Variants in UGT1A8 observed in about 807,000 individuals in gnomAD.
UGT1A8 encodes the protein UDP glucuronosyltransferase family 1 member A8, also known as UDP-glucuronosyltransferase 1A8.
A neutral mutation model predicts 45.3 loss-of-function variants in UGT1A8; 39 were observed. The observed-to-expected ratio is 0.86, with a 90% confidence interval of 0.67 to 1.12. The LOEUF is 1.12. Ranked by LOEUF, UGT1A8 falls within the 50% of genes most tolerant of loss-of-function variation. The probability of loss-of-function intolerance (pLI) is 0.00; values close to 1 mark genes in which losing one functional copy is unlikely to be tolerated. For missense variants in UGT1A8, 719 were observed against 664.9 expected, an observed-to-expected ratio of 1.08 and a Z score of -0.90; for synonymous variants, 275 against 249.2, an observed-to-expected ratio of 1.10 and a Z score of -0.97.
At chr2:233,696,147 G>T (rs933001252) in intron 1 of UGT1A8, among the ~76,000 whole-genome samples, 1 of 152,112 alleles carries the variant, frequency 6.6e-6, no homozygotes, top group Non-Finnish European at 1.5e-5. Context: ...CCATTGCTGG[G>T]TATATATCCA....
At chr2:233,705,607 A>G (rs28898586) in intron 1 of UGT1A8, among the ~76,000 whole-genome samples, 1,928 of 152,348 alleles carry the variant, frequency 0.013, 41 homozygotes, top group African/African-American at 0.043. Context: ...GGCTCTGAAG[A>G]GAGAAGAAAC....
Position 233,772,833 on chromosome 2 carries a change from T to G in UGT1A8, c.*274T>G. 1.1e-6 allele frequency: 1 copy of G among 879,514 alleles called. No individual in the cohort carries two copies. Among genetic ancestry groups the G allele is most frequent in the Non-Finnish European group, 1.6e-6 (1 of 630,666 alleles). 54.5% of individuals were successfully genotyped at this position (879,514 alleles called of 1,614,324 possible). A position where few individuals can be genotyped will look rare whatever the true frequency, so the allele number is the denominator to read the frequency against. ...AGGACGTGCAGACAGGCTGGCATTCTAGATTACTTTTCTTACTCTGAAACA... is the reference window on the plus strand; with the variant it reads ...AGGACGTGCAGACAGGCTGGCATTCGAGATTACTTTTCTTACTCTGAAACA... On this transcript the variant is annotated 3_prime_UTR_variant, in exon 5 of 5. Transcript: ENST00000373450.
rs28898591 is a variant in UGT1A8 at position 233,711,285 on chromosome 2, G to A, written c.856-55749G>A. The stretch of plus-strand genomic sequence containing the variant: ...TCCCCAGGGTCTAGGAGTCCTAGAC[G>A]TGGGAGTAGAAATTAGATGACATTG... On this transcript the variant is annotated intron_variant, in intron 1 of 4. Transcript: ENST00000373450. Among the ~76,000 whole-genome samples, 371 of 152,324 alleles carry A rather than the reference G, an allele frequency of 2.4e-3. 1 individual carries two copies. The highest frequency in any genetic ancestry group is 8.6e-3 in the African/African-American group (359 of 41,568).
chr2:233,747,060 A>C (rs1693551800), intron 1 of UGT1A8, among the ~76,000 whole-genome samples: 1 of 151,974 alleles, frequency 6.6e-6, no homozygotes, highest in Non-Finnish European at 1.5e-5. Flanking sequence ...ATGATTGGTT[A>C]ATCGGTAATA....
chr2:233,752,437 T>C (rs973405993), intron 1 of UGT1A8: 4 of 152,200 alleles, frequency 2.6e-5, no homozygotes, highest in African/African-American at 9.7e-5. Context: ...CGAACCCTTT[T>C]ATAAAAGATG....
At chr2:233,719,495 T>C (rs749585950) in intron 1 of UGT1A8, 5 of 1,613,994 alleles carry the variant, frequency 3.1e-6, no homozygotes, top group Non-Finnish European at 4.2e-6. Context: ...ACATTTGCCA[T>C]ACTTTTTCTG....
Position 233,727,746 on chromosome 2 carries a change from G to C in UGT1A8, c.856-39288G>C, listed in dbSNP as rs369193942. Among the ~76,000 whole-genome samples the C allele has an allele frequency of 3.3e-5, 5 of 152,290 alleles. No individual in the cohort carries two copies. The East Asian group carries it at 7.7e-4, about 24-fold the overall frequency. On this transcript the variant is annotated intron_variant, in intron 1 of 4. Coordinates refer to ENST00000373450, the MANE Select transcript of UGT1A8 (RefSeq NM_019076.5). Reference sequence around the variant, plus strand: ...CTTCCTTTTCTGTGCCATCCTGCGTGTGCTGCCCTTGAGCTGGGTGTCCCC... The same window carrying C: ...CTTCCTTTTCTGTGCCATCCTGCGTCTGCTGCCCTTGAGCTGGGTGTCCCC...
Position 233,743,742 on chromosome 2 carries a change from C to A in UGT1A8, c.856-23292C>A, listed in dbSNP as rs377755645. 6 of 1,367,276 alleles carry A rather than the reference C, an allele frequency of 4.4e-6. No individual in the cohort carries two copies. The Admixed American group carries it at 1.1e-4, about 26-fold the overall frequency. The allele number at this position is 1,367,276 out of a possible 1,614,324, so 84.7% of individuals were successfully genotyped here. ...CGGTCATAGATATCGCGTTTCTTGG[C>A]GTCCGACAACACCTCGTAGGCCTCG... On this transcript the variant is annotated intron_variant, in intron 1 of 4. Coordinates refer to ENST00000373450, the MANE Select transcript of UGT1A8 (RefSeq NM_019076.5).
intron 1 of UGT1A8, among the ~76,000 whole-genome samples, chr2:233,698,716 A>C (rs2075457689): frequency 1.3e-5 from 2 of 152,260 alleles, no homozygotes; most frequent in South Asian, 4.1e-4. Context: ...AAGCCTTTTG[A>C]AAACCATAGC....
intron 2 of UGT1A8, among the ~76,000 whole-genome samples, chr2:233,767,555 C>A (rs1317722684): frequency 3.3e-5 from 5 of 152,206 alleles, no homozygotes; most frequent in Non-Finnish European, 7.3e-5. Context: ...AGTTCTGCAT[C>A]CACTTGTTTC....
At chr2:233,755,480 A>T (rs574050472) in intron 1 of UGT1A8, 1 of 211,322 alleles carries the variant, frequency 4.7e-6, no homozygotes, top group Non-Finnish European at 9.7e-6. Flanking sequence ...AGGCTCTGTG[A>T]GGCCCTGTGA....
intron 1 of UGT1A8, among the ~76,000 whole-genome samples, chr2:233,634,631 AT>A (rs931993950): frequency 6.6e-6 from 1 of 151,408 alleles, no homozygotes; most frequent in Non-Finnish European, 1.5e-5. Context: ...GCAACCCCTG[AT>A]TTTTTTTGCT....
intron 1 of UGT1A8, among the ~76,000 whole-genome samples, chr2:233,652,534 C>A (rs1234545749): frequency 6.6e-6 from 1 of 152,180 alleles, no homozygotes; most frequent in Non-Finnish European, 1.5e-5. Flanking sequence ...ATATCATTAT[C>A]ATTCCTCACA....
At chr2:233,698,074 C>G (rs535848761) in intron 1 of UGT1A8, among the ~76,000 whole-genome samples, 6 of 152,298 alleles carry the variant, frequency 3.9e-5, no homozygotes, top group African/African-American at 1.2e-4. Context: ...AAACTGGGCT[C>G]TAATGAATGT....
intron 1 of UGT1A8, among the ~76,000 whole-genome samples, chr2:233,665,231 G>C (rs761958755): frequency 1.3e-5 from 2 of 152,184 alleles, no homozygotes; most frequent in Non-Finnish European, 2.9e-5. Context: ...TGACATGAAA[G>C]TCTTTACTTT....
intron 1 of UGT1A8, among the ~76,000 whole-genome samples, chr2:233,665,711 G>T (rs2074062968): frequency 1.3e-5 from 2 of 152,136 alleles, no homozygotes; most frequent in South Asian, 2.1e-4. Flanking sequence ...ACCAGATAGG[G>T]ATTTTTAAGA....
chr2:233,690,453 T>C lies in UGT1A8; in HGVS notation c.855+71891T>C, dbSNP rs2074990875. ...CTTTGGGTCTCTCCTCTATTCAAAA[T>C]GCCAGCTATCCTCCATTTACTTTTT... On this transcript the variant is annotated intron_variant, in intron 1 of 4. Transcript: ENST00000373450. 3.1e-6 allele frequency: 4 copies of C among 1,287,960 alleles called. No homozygotes were observed. The South Asian group carries it at 5.0e-5, about 16-fold the overall frequency. 79.8% of individuals were successfully genotyped at this position (1,287,960 alleles called of 1,614,324 possible).
chr2:233,723,609 T>C (rs2077104515), intron 1 of UGT1A8, among the ~76,000 whole-genome samples: 1 of 104,888 alleles, frequency 9.5e-6, no homozygotes. Context: ...GGGACAATAG[T>C]GGAGGGAAGG....
At chr2:233,649,392 A>T (rs1449881032) in intron 1 of UGT1A8, among the ~76,000 whole-genome samples, 11 of 152,224 alleles carry the variant, frequency 7.2e-5, no homozygotes, top group Middle Eastern at 3.2e-3. Context: ...ATTTAAAAGC[A>T]CAATAAGAAA....
Sources: gnomAD v4.1 joint callset for allele counts (sites outside exome capture counted in the v4.1 genomes callset) on GRCh38, gnomAD v4.1.1 for gene constraint, MANE v1.5 for transcripts, NCBI Gene and HGNC (gene_info 2026-07-23, HGNC 2026-07-21) for gene names.